Variants in SMAP1 observed in about 807,000 individuals in gnomAD.
SMAP1 encodes the protein stromal membrane-associated protein 1.
SMAP1 carries 24 observed loss-of-function variants against 58.5 expected under a neutral mutation model. The observed-to-expected ratio is 0.41, with a 90% CI of 0.30 to 0.58. SMAP1 has a LOEUF of 0.58. Among genes scored for constraint, SMAP1 ranks in the 20% least tolerant of loss-of-function variants. SMAP1 has a pLI of 0.29. For missense variants in SMAP1, 563 were observed against 566.3 expected (o/e 0.99, Z 0.06); for synonymous variants, 216 against 196.6 (o/e 1.10, Z -0.82).
chr6:70,858,233 G>A lies in SMAP1; in HGVS notation c.1269+4G>A. 1 of 1,593,614 alleles carries A rather than the reference G, an allele frequency of 6.3e-7. No individual in the cohort carries two copies. ...GCCCCAGTGGAGCCTCTCACAGGTA[G>A]GGGTCATTTACTTTCTAGCTTCTCC... On this transcript the variant is annotated splice_donor_region_variant and intron_variant, in intron 10 of 10. Transcript: ENST00000370455.
chr6:70,707,186 A>G (rs1450726818), intron 1 of SMAP1, among the ~76,000 whole-genome samples: 1 of 152,210 alleles, frequency 6.6e-6, no homozygotes, highest in African/African-American at 2.4e-5. Context: ...TTTTGATCAC[A>G]TAAGCATGGA....
intron 2 of SMAP1, among the ~76,000 whole-genome samples, 153 bp downstream of exon 2, chr6:70,732,664 G>C (rs1210491094): frequency 1.3e-5 from 2 of 152,188 alleles, no homozygotes; most frequent in African/African-American, 4.8e-5. Context: ...TGAATTTTCA[G>C]TTCACAGATG....
chr6:70,835,766 T>G lies in SMAP1; in HGVS notation c.577-1175T>G, dbSNP rs191926605. On this transcript the variant is annotated intron_variant, in intron 6 of 10. Coordinates refer to ENST00000370455, the MANE Select transcript of SMAP1 (RefSeq NM_001044305.3). ...AAGGGATCCTCCTACCTTGTCCTCC[T>G]AAAGTGCTGGTATTACAGGTGTGAG... Among the ~76,000 whole-genome samples, 228 of 152,258 alleles carry G rather than the reference T, an allele frequency of 1.5e-3. 4 individuals are homozygous for G. Among genetic ancestry groups the G allele is most frequent in the African/African-American group, 5.4e-3 (224 of 41,546 alleles).
intron 6 of SMAP1, among the ~76,000 whole-genome samples, chr6:70,835,109 G>A (rs1035433669): frequency 3.3e-5 from 5 of 151,570 alleles, no homozygotes; most frequent in African/African-American, 4.8e-5. Flanking sequence ...AAAATTAGCC[G>A]GGTGTGGTGG....
At chr6:70,820,288 A>G (rs1769828204) in intron 6 of SMAP1, among the ~76,000 whole-genome samples, 1 of 152,076 alleles carries the variant, frequency 6.6e-6, no homozygotes, top group Non-Finnish European at 1.5e-5. Flanking sequence ...TTTTCATGTC[A>G]TTTTTCTATA....
chr6:70,812,105 T>C (rs776392002), intron 6 of SMAP1, among the ~76,000 whole-genome samples: 1 of 152,212 alleles, frequency 6.6e-6, no homozygotes, highest in Non-Finnish European at 1.5e-5. Context: ...AGTTTGTGAC[T>C]GTGATTGTAG....
intron 4 of SMAP1, among the ~76,000 whole-genome samples, chr6:70,787,962 A>T (rs1768140198): frequency 1.3e-5 from 2 of 152,124 alleles, no homozygotes; most frequent in Admixed American, 1.3e-4. Context: ...ATATACCCAA[A>T]GGACTATAAA....
At chr6:70,767,288 T>G (rs1379039448) in intron 3 of SMAP1, among the ~76,000 whole-genome samples, 2 of 151,808 alleles carry the variant, frequency 1.3e-5, no homozygotes, top group Non-Finnish European at 2.9e-5. Flanking sequence ...GTGAAGAAAG[T>G]CATTGGTAGC....
intron 4 of SMAP1, among the ~76,000 whole-genome samples, chr6:70,781,543 C>G (rs1374852158): frequency 2.0e-5 from 3 of 152,164 alleles, no homozygotes; most frequent in Non-Finnish European, 4.4e-5. Context: ...AAAATTTCTA[C>G]TTAGAAAACA....
chr6:70,791,852 C>G (rs1426332073), intron 5 of SMAP1, 83 bp downstream of exon 5: 1 of 1,107,476 alleles, frequency 9.0e-7, no homozygotes, highest in Non-Finnish European at 1.3e-6. Flanking sequence ...TTCGGGAACA[C>G]TATAATAGTT....
chr6:70,782,112 C>G (rs558673913), intron 4 of SMAP1, among the ~76,000 whole-genome samples: 19 of 152,074 alleles, frequency 1.2e-4, no homozygotes, highest in Non-Finnish European at 2.5e-4. Flanking sequence ...ACTGACACCA[C>G]CAATTTCCAG....
rs68188898 is a variant in SMAP1, at chr6:70,858,287, CTTTTTT to C, written c.1269+81_1269+86del. On this transcript the variant is annotated intron_variant, in intron 10 of 10. Coordinates refer to ENST00000370455, the MANE Select transcript of SMAP1 (RefSeq NM_001044305.3). ...ATCAAACCAGATTTATTTTCTAAATCTTTTTTTTTTTTTTTTTTTTTTTTTTTTAAG... is the reference window on the plus strand; with the variant it reads ...ATCAAACCAGATTTATTTTCTAAATCTTTTTTTTTTTTTTTTTTTTTTAAG... The C allele has an allele frequency of 2.5e-3, 724 of 290,328 alleles. 3 individuals carry two copies. The highest frequency in any genetic ancestry group is 0.018 in the African/African-American group (411 of 23,060). The allele number at this position is 290,328 out of a possible 1,614,324, so 18.0% of individuals were successfully genotyped here. A position where few individuals can be genotyped will look rare whatever the true frequency, so the allele number is the denominator to read the frequency against.
At chr6:70,818,098 A>G (rs1448518036) in intron 6 of SMAP1, among the ~76,000 whole-genome samples, 1 of 152,020 alleles carries the variant, frequency 6.6e-6, no homozygotes, top group Non-Finnish European at 1.5e-5. Context: ...TATTCAAGTA[A>G]TTTTAGAGTT....
chr6:70,857,611 G>T (rs181460626), intron 9 of SMAP1: 106 of 306,530 alleles, frequency 3.5e-4, no homozygotes, highest in African/African-American at 2.1e-3. Flanking sequence ...GTACAAATCA[G>T]CAATAAAACA....
chr6:70,813,886 TTTATC>T (rs1454302785), intron 6 of SMAP1, among the ~76,000 whole-genome samples: 1 of 152,152 alleles, frequency 6.6e-6, no homozygotes, highest in East Asian at 1.9e-4. Flanking sequence ...CATATACAAT[TTTATC>T]TTTATAATCC....
At chr6:70,728,434 T>G (rs1386598471) in intron 1 of SMAP1, among the ~76,000 whole-genome samples, 1 of 152,238 alleles carries the variant, frequency 6.6e-6, no homozygotes, top group Non-Finnish European at 1.5e-5. Context: ...TTTGCCATAA[T>G]TTTCAGATTT....
intron 1 of SMAP1, among the ~76,000 whole-genome samples, chr6:70,702,126 C>G: frequency 6.6e-6 from 1 of 152,074 alleles, no homozygotes; most frequent in East Asian, 1.9e-4. Flanking sequence ...CCCCCAGCTT[C>G]TTTTAAGATT....
chr6:70,846,433 T>A (rs932257755), intron 7 of SMAP1, among the ~76,000 whole-genome samples: 4 of 151,546 alleles, frequency 2.6e-5, no homozygotes, highest in African/African-American at 9.7e-5. Flanking sequence ...CAGCGAGGAG[T>A]AAAGAGGCTT....
chr6:70,679,308 C>T (rs551677530), intron 1 of SMAP1, among the ~76,000 whole-genome samples: 9 of 152,120 alleles, frequency 5.9e-5, no homozygotes, highest in Middle Eastern at 3.4e-3. Flanking sequence ...CTTGAGCCAC[C>T]GCGCCTGGCC....
Sources: allele counts gnomAD v4.1 joint callset (sites outside exome capture counted in the v4.1 genomes callset), GRCh38; gene constraint gnomAD v4.1.1; transcripts MANE v1.5; gene names NCBI Gene and HGNC (gene_info 2026-07-23, HGNC 2026-07-21).